SASH1: variants seen among roughly 807,000 people sequenced by gnomAD.
SASH1 encodes the protein SAM and SH3 domain containing 1, also known as SAM and SH3 domain-containing protein 1.
A neutral mutation model predicts 125.2 loss-of-function variants in SASH1; 44 were observed. The observed-to-expected ratio is 0.35, with a 90% CI of 0.28 to 0.45. The LOEUF is 0.45. SASH1 is among the 20% of genes least tolerant of loss of function. The pLI is 1.00. For missense variants in SASH1, 1,426 were observed against 1,614.5 expected (o/e 0.88, Z 2.00); for synonymous variants, 639 against 649.1 (o/e 0.98, Z 0.24).
chr6:148,243,651 C>CAA, the SASH1 span, among the ~76,000 whole-genome samples: 3 of 70,284 alleles, frequency 4.3e-5, no homozygotes, highest in Admixed American at 2.1e-4. Context: ...AACTGTGTCT[C>CAA]AAAAAAAAAA....
intron 1 of SASH1, among the ~76,000 whole-genome samples, chr6:148,294,644 T>C (rs888164824): frequency 9.8e-5 from 15 of 152,318 alleles, no homozygotes; most frequent in South Asian, 2.1e-4. Context: ...GAATTGCTAA[T>C]GCCCCACGTT....
At chr6:148,381,785 C>A (rs933872836) in intron 1 of SASH1, among the ~76,000 whole-genome samples, 2 of 151,590 alleles carry the variant, frequency 1.3e-5, no homozygotes, top group South Asian at 2.1e-4. Flanking sequence ...TGCACCACCA[C>A]GCCCAGCTAA....
intron 1 of SASH1, among the ~76,000 whole-genome samples, chr6:148,273,022 G>T (rs937191150): frequency 5.3e-5 from 8 of 152,104 alleles, no homozygotes; most frequent in Admixed American, 3.3e-4. Context: ...AACTTTGAGA[G>T]GCCGGGGCGG....
At chr6:148,307,094 T>TTTTCTTTCTTTCTTTCTTTCTTTCTCTC (rs1562316708) in intron 1 of SASH1, among the ~76,000 whole-genome samples, 2 of 120,694 alleles carry the variant, frequency 1.7e-5, no homozygotes, top group African/African-American at 6.3e-5. Context: ...CTTTCTTTCT[T>TTTTCTTTCTTTCTTTCTTTCTTTCTCTC]TCTCTCTCTC....
intron 7 of SASH1, chr6:148,480,286 A>T (rs1300969278): frequency 2.0e-5 from 3 of 151,384 alleles, no homozygotes; most frequent in African/African-American, 7.4e-5. Context: ...GCACCATTGC[A>T]CTCTAGCCTG....
chr6:148,435,036 T>G (rs1329908418), intron 2 of SASH1, among the ~76,000 whole-genome samples: 1 of 48,974 alleles, frequency 2.0e-5, no homozygotes, highest in East Asian at 5.3e-4. Context: ...GAGACTTGTC[T>G]CTATTGGAGG....
chr6:148,528,951 T>A (rs111318415), intron 12 of SASH1, among the ~76,000 whole-genome samples: 3,582 of 152,072 alleles, frequency 0.024, 64 homozygotes, highest in Non-Finnish European at 0.036. Flanking sequence ...TGGGAGACAG[T>A]GACAGATCAT....
At chr6:148,251,051 CA>C in the SASH1 span, among the ~76,000 whole-genome samples, 1 of 151,780 alleles carries the variant, frequency 6.6e-6, no homozygotes, top group Non-Finnish European at 1.5e-5. Context: ...AATAGGCAAG[CA>C]AAATTTAAAG....
chr6:148,467,370 A>G (rs1402571541), intron 4 of SASH1, among the ~76,000 whole-genome samples: 1 of 151,772 alleles, frequency 6.6e-6, no homozygotes, highest in South Asian at 2.1e-4. Flanking sequence ...GATACAACCA[A>G]TTTTAACTTT....
chr6:148,516,981 G>A (rs544273732), intron 9 of SASH1, among the ~76,000 whole-genome samples: 1 of 152,066 alleles, frequency 6.6e-6, no homozygotes, highest in South Asian at 2.1e-4. Context: ...TTTAACCTAG[G>A]CTACATTGGT....
chr6:148,474,470 A>G lies in SASH1; in HGVS notation c.627+248A>G, dbSNP rs150535544. On this transcript the variant is annotated intron_variant, in intron 7 of 19. Coordinates refer to ENST00000367467, the MANE Select transcript of SASH1 (RefSeq NM_015278.5). ...ATTAATGAGGAAAATGGCCTTCTGA[A>G]TGCAGCTGCAAAATTCACAAGCCTT... Among the ~76,000 whole-genome samples the G allele has an allele frequency of 3.7e-3, 567 of 152,376 alleles. 5 individuals are homozygous for G. Among genetic ancestry groups the G allele is most frequent in the African/African-American group, 0.013 (525 of 41,590 alleles).
At chr6:148,353,550 T>C (rs996701712) in intron 1 of SASH1, among the ~76,000 whole-genome samples, 1 of 148,700 alleles carries the variant, frequency 6.7e-6, no homozygotes, top group Non-Finnish European at 1.5e-5. Flanking sequence ...TTCTCCTGCC[T>C]CAGCCTCCTG....
intron 8 of SASH1, among the ~76,000 whole-genome samples, chr6:148,491,164 G>A (rs1006850517): frequency 6.6e-6 from 1 of 152,164 alleles, no homozygotes. Context: ...CAGCCTCCTT[G>A]GAAATAGTGA....
intron 1 of SASH1, among the ~76,000 whole-genome samples, chr6:148,366,923 C>G (rs115408424): frequency 1.6e-3 from 239 of 149,044 alleles, no homozygotes; most frequent in African/African-American, 5.6e-3. Context: ...AATTTCCCTT[C>G]CTTCTCATCA....
At chr6:148,486,751 CA>C (rs58789520) in intron 7 of SASH1, among the ~76,000 whole-genome samples, 10,822 of 76,942 alleles carry the variant, frequency 0.14, 460 homozygotes, top group Non-Finnish European at 0.16. Flanking sequence ...CCCATCTCTA[CA>C]AAAAAAAAAA....
intron 4 of SASH1, among the ~76,000 whole-genome samples, chr6:148,441,923 C>G (rs1450095121): frequency 6.6e-6 from 1 of 152,234 alleles, no homozygotes; most frequent in African/African-American, 2.4e-5. Flanking sequence ...CACACGCCCA[C>G]TGTCTCCATT....
At chr6:148,369,877 C>T (rs118070648) in intron 1 of SASH1, among the ~76,000 whole-genome samples, 3 of 147,090 alleles carry the variant, frequency 2.0e-5, no homozygotes, top group East Asian at 4.0e-4. Context: ...TCGCTTGAAC[C>T]GGAGAGGCAG....
At chr6:148,321,462 T>A (rs1289456293) in intron 1 of SASH1, among the ~76,000 whole-genome samples, 1 of 151,816 alleles carries the variant, frequency 6.6e-6, no homozygotes, top group Admixed American at 6.6e-5. Context: ...CTCTTTGTCC[T>A]ATGAGCTACT....
intron 1 of SASH1, among the ~76,000 whole-genome samples, chr6:148,385,798 A>G (rs1382077718): frequency 6.6e-6 from 1 of 152,150 alleles, no homozygotes; most frequent in East Asian, 1.9e-4. Context: ...GGAAGCTCCG[A>G]CACCCTTCCT....
Sources: gnomAD v4.1 joint callset for allele counts (sites outside exome capture counted in the v4.1 genomes callset) on GRCh38, gnomAD v4.1.1 for gene constraint, MANE v1.5 for transcripts, NCBI Gene and HGNC (gene_info 2026-07-23, HGNC 2026-07-21) for gene names.